The following NAPSA variants were observed in gnomAD, a reference collection of about 807,000 sequenced individuals.
NAPSA encodes napsin A aspartic peptidase.
A neutral mutation model predicts 36.7 loss-of-function variants in NAPSA; 37 were observed. That is an observed-to-expected ratio of 1.01 (90% CI 0.78 to 1.33). NAPSA has a LOEUF of 1.33. Ranked by LOEUF, NAPSA falls within the 40% of genes most tolerant of loss-of-function variation. The pLI, the probability that NAPSA is intolerant of heterozygous loss-of-function variation, is 0.00. For missense variants in NAPSA, 532 were observed against 543.8 expected (o/e 0.98, Z 0.21); for synonymous variants, 222 against 234.5 (o/e 0.95, Z 0.49).
At chr19:50,366,807 A>T (rs1601130941), upstream of NAPSA, among the ~76,000 whole-genome samples, 1 of 150,298 alleles carries the variant, frequency 6.7e-6, no homozygotes. Flanking sequence ...AGCTGGGACT[A>T]CAGGCACCCG....
intron 8 of NAPSA, 107 bp downstream of exon 8, chr19:50,358,904 A>T (rs1038906934): frequency 3.0e-6 from 4 of 1,344,142 alleles, no homozygotes; most frequent in Non-Finnish European, 4.1e-6. Context: ...CATCACAGGG[A>T]AAAGAAATGT....
upstream of NAPSA, chr19:50,369,062 GCA>G (rs2037583816): frequency 6.6e-6 from 1 of 152,366 alleles, no homozygotes; most frequent in South Asian, 2.1e-4. Flanking sequence ...CATCAGAGGA[GCA>G]CAGTTTCCAG....
At chr19:50,364,614 CA>C (rs34476647) in intron 1 of NAPSA, among the ~76,000 whole-genome samples, 2,417 of 39,054 alleles carry the variant, frequency 0.062, 9 homozygotes, top group African/African-American at 0.1. Flanking sequence ...GACTCAGTCT[CA>C]AAAAAAAAAA....
At chr19:50,362,145 T>C (rs774384588) in intron 2 of NAPSA, 27 bp downstream of exon 2, 1 of 1,612,806 alleles carries the variant, frequency 6.2e-7, no homozygotes, top group East Asian at 2.2e-5. Flanking sequence ...GGCGCAGGGG[T>C]GAGGGCTGTG....
At position 50,365,017 on chromosome 19, in the gene NAPSA, T is replaced by TA. The variant is rs1404434543; in HGVS notation, c.83+521dup. Reference sequence around the variant, plus strand: ...AAATAATAATAATAATAATAAATAATAATAATAATAATAATAATAATAAAA... The same window carrying TA: ...AAATAATAATAATAATAATAAATAATAAATAATAATAATAATAATAATAAAA... On this transcript the variant is annotated intron_variant, in intron 1 of 8. Coordinates refer to ENST00000253719, the MANE Select transcript of NAPSA (RefSeq NM_004851.3). 8.7e-4 allele frequency among the ~76,000 whole-genome samples: 110 copies of TA among 126,998 alleles called. 1 individual carries two copies. Among genetic ancestry groups the TA allele is most frequent in the Admixed American group, 2.7e-3 (35 of 12,940 alleles). The allele number at this position is 126,998 out of a possible 152,430, so 83.3% of individuals were successfully genotyped here. A position where few individuals can be genotyped will look rare whatever the true frequency, so the allele number is the denominator to read the frequency against.
intron 1 of NAPSA, 83 bp downstream of exon 1, chr19:50,365,456 C>A: frequency 7.4e-7 from 1 of 1,343,564 alleles, no homozygotes; most frequent in South Asian, 1.3e-5. Flanking sequence ...GTTTGGGGAT[C>A]ACTGAACTGG....
rs2037488681 is a variant in NAPSA, at chr19:50,362,277, G to A, written c.120C>T (p.Ile40=). 1 of 1,613,446 alleles carries A rather than the reference G, an allele frequency of 6.2e-7. No homozygotes were observed. Among genetic ancestry groups the A allele is most frequent in the Non-Finnish European group, 8.5e-7 (1 of 1,179,672 alleles). Residue 40 remains isoleucine (I), a synonymous_variant, in exon 2 of 9, where the codon ATC becomes ATT. Transcript: ENST00000253719. ...PLHRVQPGRR[I]LNLLRGWREP... is the part of the protein sequence containing the mutation. Reference sequence around the variant, plus strand: ...CTCTCCATCCCCTCAGTAGGTTCAGGATCCTGCGTCCAGGTTGGACTCGAT... The same window carrying A: ...CTCTCCATCCCCTCAGTAGGTTCAGAATCCTGCGTCCAGGTTGGACTCGAT...
Position 50,362,174 on chromosome 19 carries a change from C to A in NAPSA, c.223G>T (p.Asp75Tyr), listed in dbSNP as rs1366426306. 1.2e-6 allele frequency: 2 copies of A among 1,612,998 alleles called. No homozygotes were observed. Among genetic ancestry groups the A allele is most frequent in the African/African-American group, 1.3e-5 (1 of 75,024 alleles). ...PIFVPLSNYR[D>Y]VQYFGEIGLG... is the part of the protein sequence containing the mutation. Reference sequence around the variant, plus strand: ...GGCTGTGTGGGGCTGTGACTCACATCCCTGTAGTTCGAGAGAGGTACGAAG... The same window carrying A: ...GGCTGTGTGGGGCTGTGACTCACATACCTGTAGTTCGAGAGAGGTACGAAG... Residue 75 changes from aspartate (D) to tyrosine (Y), a missense_variant and splice_region_variant, in exon 2 of 9, where the codon GAT (aspartate) becomes TAT (tyrosine). Asp to Tyr is a radical substitution (Grantham distance 160). Transcript: ENST00000253719.
chr19:50,367,580 CTGTCTCTG>C (rs1471720361), upstream of NAPSA, among the ~76,000 whole-genome samples: 19 of 144,758 alleles, frequency 1.3e-4, no homozygotes, highest in Admixed American at 8.1e-4. Flanking sequence ...CTCTCTCTCT[CTGTCTCTG>C]TCTCTCTCTC....
intron 1 of NAPSA, among the ~76,000 whole-genome samples, chr19:50,363,220 A>G (rs1359558237): frequency 6.6e-6 from 1 of 152,120 alleles, no homozygotes; most frequent in African/African-American, 2.4e-5. Flanking sequence ...GAAGTGGGGA[A>G]AACTCTTCCT....
At chr19:50,368,837 C>T (rs2037581229), upstream of NAPSA, among the ~76,000 whole-genome samples, 1 of 152,262 alleles carries the variant, frequency 6.6e-6, no homozygotes, top group Admixed American at 6.5e-5. Flanking sequence ...AGGCTCTCTC[C>T]AGCTTTCCTG....
chr19:50,360,969 T>C lies in NAPSA; in HGVS notation c.640A>G (p.Lys214Glu), dbSNP rs746760187. Reference protein sequence around the residue: ...DVLVEQGLLDKPVFSFYLNRD... With the variant: ...DVLVEQGLLDEPVFSFYLNRD... ...TTGAGGTAAAAGGAGAAGACAGGCTTATCCAATAGCCCCTGCTCCACCAGT... is the reference window on the plus strand; with the variant it reads ...TTGAGGTAAAAGGAGAAGACAGGCTCATCCAATAGCCCCTGCTCCACCAGT... The change falls in exon 5 of 9, where the codon AAG becomes GAG. Residue 214 changes from lysine (K) to glutamate (E), a missense_variant. Lys to Glu is a moderately conservative substitution (Grantham distance 56, BLOSUM62 1). This residue lies in a region of NAPSA where 385 missense variants were observed against 371.5 expected (regional missense o/e 1.04). Transcript: ENST00000253719. 3.1e-6 allele frequency: 5 copies of C among 1,614,096 alleles called. No individual in the cohort carries two copies. The highest frequency in any genetic ancestry group is 4.5e-5 in the East Asian group (2 of 44,868).
At chr19:50,363,657 G>A (rs926089963) in intron 1 of NAPSA, among the ~76,000 whole-genome samples, 2 of 151,982 alleles carry the variant, frequency 1.3e-5, no homozygotes, top group Non-Finnish European at 2.9e-5. Flanking sequence ...CGAACTACTG[G>A]GCTCAAGCAA....
In NAPSA at chr19:50,358,520, G is replaced by C; in HGVS notation, c.*33C>G. 1 of 1,521,528 alleles carries C rather than the reference G, an allele frequency of 6.6e-7. No homozygotes were observed. Among genetic ancestry groups the C allele is most frequent in the Non-Finnish European group, 8.9e-7 (1 of 1,129,396 alleles). 94.3% of individuals were successfully genotyped at this position (1,521,528 alleles called of 1,614,324 possible). A position where few individuals can be genotyped will look rare whatever the true frequency, so the allele number is the denominator to read the frequency against. On this transcript the variant is annotated 3_prime_UTR_variant, in exon 9 of 9. Transcript: ENST00000253719. ...TTTTACTGGGTAGCAGGACCTCCGC[G>C]ACCACCCGCTGCGCATGCGCTTCAC...
Position 50,359,101 on chromosome 19 carries a change from G to T in NAPSA, c.945C>A (p.Ile315=), listed in dbSNP as rs1286578686. The T allele has an allele frequency of 6.2e-7, 1 of 1,613,230 alleles. No individual in the cohort carries two copies. Among genetic ancestry groups the T allele is most frequent in the Non-Finnish European group, 8.5e-7 (1 of 1,179,326 alleles). Residue 315 remains isoleucine (I), a synonymous_variant, in exon 8 of 9, where the codon ATC becomes ATA. Coordinates refer to ENST00000253719, the MANE Select transcript of NAPSA (RefSeq NM_004851.3). ...GIPLLAGEYI[I]LCSEIPKLPA... ...GGAGCTTTGGGATTTCCGAGCACAG[G>T]ATGATGTACTGGGGGAGAAGAGGAA... is the stretch of plus-strand genomic sequence containing the variant.
intron 5 of NAPSA, 141 bp from the exon 6 acceptor site, chr19:50,360,003 A>G (rs1399497400): frequency 8.8e-7 from 1 of 1,132,706 alleles, no homozygotes; most frequent in Non-Finnish European, 1.2e-6. Flanking sequence ...GGAAGGGCCT[A>G]GATGTTGGGA....
At chr19:50,362,989 A>G (rs994279875) in intron 1 of NAPSA, 4 of 152,234 alleles carry the variant, frequency 2.6e-5, no homozygotes, top group African/African-American at 9.6e-5. Context: ...ACAAGTTCCC[A>G]GGTCATGACG....
upstream of NAPSA, among the ~76,000 whole-genome samples, chr19:50,366,778 C>A (rs2037554176): frequency 2.6e-5 from 4 of 151,496 alleles, no homozygotes; most frequent in African/African-American, 4.9e-5. Flanking sequence ...GCAAGTAATT[C>A]TGCCTCAGCC....
chr19:50,365,827 C>G (rs1247395764), upstream of NAPSA: 2 of 470,866 alleles, frequency 4.2e-6, no homozygotes, highest in Non-Finnish European at 7.7e-6. Context: ...ATCCTGTGCT[C>G]CTGGTGCTCC....
Sources: gnomAD v4.1 joint callset for allele counts (sites outside exome capture counted in the v4.1 genomes callset) on GRCh38, gnomAD v4.1.1 for gene constraint, gnomAD v4.1.1 regional missense constraint, MANE v1.5 for transcripts, NCBI Gene and HGNC (gene_info 2026-07-23, HGNC 2026-07-21) for gene names.